KIF26B: variants seen among roughly 807,000 people sequenced by gnomAD.
KIF26B encodes the protein kinesin family member 26B, also known as kinesin-like protein KIF26B.
KIF26B carries 63 observed loss-of-function variants against 151.2 expected under a neutral mutation model. The observed-to-expected ratio is 0.42, with a 90% CI of 0.34 to 0.51. The LOEUF (loss-of-function observed/expected upper bound fraction) is 0.51, where lower values mean the gene tolerates loss of function less well. Among genes scored for constraint, KIF26B ranks in the 20% least tolerant of loss-of-function variants. The pLI is 0.07. For missense variants in KIF26B, 2,813 were observed against 2,913.6 expected (o/e 0.97, Z 0.79); for synonymous variants, 1,357 against 1,262.1 (o/e 1.08, Z -1.59).
At chr1:245,671,111 T>C (rs2044281052) in intron 10 of KIF26B, among the ~76,000 whole-genome samples, 1 of 152,236 alleles carries the variant, frequency 6.6e-6, no homozygotes, top group Non-Finnish European at 1.5e-5. Context: ...TTTGTCTTTC[T>C]GTTCCTGGCT....
At chr1:245,322,527 G>C (rs925642112) in intron 2 of KIF26B, among the ~76,000 whole-genome samples, 2 of 152,034 alleles carry the variant, frequency 1.3e-5, no homozygotes, top group Admixed American at 6.6e-5. Context: ...TTGAAGAAAC[G>C]AATACTAACA....
chr1:245,326,486 A>T (rs554954255), intron 2 of KIF26B, among the ~76,000 whole-genome samples: 1 of 152,304 alleles, frequency 6.6e-6, no homozygotes, highest in South Asian at 2.1e-4. Flanking sequence ...AACGGCTGCC[A>T]AGTTTACCCC....
chr1:245,674,881 T>A lies in KIF26B; in HGVS notation c.2259-9352T>A, dbSNP rs1029226097. Among the ~76,000 whole-genome samples, 74 of 152,112 alleles carry A rather than the reference T, an allele frequency of 4.9e-4. 2 individuals are homozygous for A. Among genetic ancestry groups the A allele is most frequent in the Admixed American group, 4.8e-3 (74 of 15,262 alleles). ...CCAGTCTGCCAAGTCGGCCCAAGACTACTGACACCTACTGCAAGCAATTAG... is the reference window on the plus strand; with the variant it reads ...CCAGTCTGCCAAGTCGGCCCAAGACAACTGACACCTACTGCAAGCAATTAG... On this transcript the variant is annotated intron_variant, in intron 10 of 14. Transcript: ENST00000407071.
At chr1:245,523,251 T>C (rs561761017) in intron 4 of KIF26B, among the ~76,000 whole-genome samples, 1 of 152,230 alleles carries the variant, frequency 6.6e-6, no homozygotes, top group Non-Finnish European at 1.5e-5. Context: ...TATTACTAAA[T>C]AAATGCTTGC....
Position 245,703,838 on chromosome 1 carries a change from A to G in KIF26B, c.*1232A>G, listed in dbSNP as rs187647827. The G allele has an allele frequency of 2.8e-4, 43 of 152,280 alleles. No individual in the cohort carries two copies. Among genetic ancestry groups the G allele is most frequent in the African/African-American group, 7.7e-4 (32 of 41,554 alleles). 9.4% of individuals were successfully genotyped at this position (152,280 alleles called of 1,614,324 possible). A position where few individuals can be genotyped will look rare whatever the true frequency, so the allele number is the denominator to read the frequency against. ...AGGATTTCAGCTCTCCTGTGTCCCA[A>G]AGCCTCTATGCCAAGAAGGGACAGG... On this transcript the variant is annotated 3_prime_UTR_variant, in exon 15 of 15. Transcript: ENST00000407071.
At chr1:245,655,002 CCT>C (rs2044058184) in intron 10 of KIF26B, among the ~76,000 whole-genome samples, 1 of 152,200 alleles carries the variant, frequency 6.6e-6, no homozygotes, top group African/African-American at 2.4e-5. Flanking sequence ...AGGTGATCAG[CCT>C]CTCAGCTGGA....
In KIF26B at chr1:245,402,826, C is replaced by CT. The variant is rs546969858; in HGVS notation, c.1000-16752dup. Among the ~76,000 whole-genome samples the CT allele has an allele frequency of 2.0e-3, 308 of 152,248 alleles. 2 individuals are homozygous for CT. The highest frequency in any genetic ancestry group is 7.2e-3 in the African/African-American group (300 of 41,552). ...GAAATTACAACTTAGTGATTAGGGG[C>CT]TATAGTGGTTTAGATTCTAGACTTT... is the stretch of plus-strand genomic sequence containing the variant. On this transcript the variant is annotated intron_variant, in intron 3 of 14. Transcript: ENST00000407071.
intron 9 of KIF26B, among the ~76,000 whole-genome samples, chr1:245,622,120 G>A (rs2043670701): frequency 6.6e-6 from 1 of 152,158 alleles, no homozygotes; most frequent in Non-Finnish European, 1.5e-5. Flanking sequence ...ATGATATTTT[G>A]CTTTAAAAAT....
intron 2 of KIF26B, among the ~76,000 whole-genome samples, chr1:245,248,661 ACCT>A: frequency 6.6e-6 from 1 of 152,148 alleles, no homozygotes; most frequent in Non-Finnish European, 1.5e-5. Context: ...TTATGGTTAA[ACCT>A]CCTCGTAAAA....
At chr1:245,633,673 T>G (rs1451577645) in intron 9 of KIF26B, among the ~76,000 whole-genome samples, 1 of 152,252 alleles carries the variant, frequency 6.6e-6, no homozygotes, top group Non-Finnish European at 1.5e-5. Context: ...GGAAAGACTT[T>G]ACTTTTCATT....
rs549315600 is a variant in KIF26B, at chr1:245,432,350, A to G, written c.1166+12605A>G. Among the ~76,000 whole-genome samples, 309 of 152,304 alleles carry G rather than the reference A, an allele frequency of 2.0e-3. 1 individual carries two copies. The highest frequency in any genetic ancestry group is 3.4e-3 in the Middle Eastern group (1 of 294). ...ATTGTAACAAAGCATGAAAAAAAGC[A>G]GTGTTGGGAAATTGAGATTCTTATT... On this transcript the variant is annotated intron_variant, in intron 4 of 14. Transcript: ENST00000407071.
intron 2 of KIF26B, among the ~76,000 whole-genome samples, chr1:245,313,986 C>T (rs76211190): frequency 3.1e-3 from 465 of 152,284 alleles, no homozygotes; most frequent in Middle Eastern, 0.017. Flanking sequence ...TCTCTTCCCC[C>T]TCTCGCTCTC....
At position 245,694,170 on chromosome 1, in the gene KIF26B, C is replaced by T. The variant is rs780384906; in HGVS notation, c.5825-3936C>T. 1.4e-4 allele frequency among the ~76,000 whole-genome samples: 22 copies of T among 152,346 alleles called. 1 individual carries two copies. Among genetic ancestry groups the T allele is most frequent in the Admixed American group, 5.2e-4 (8 of 15,300 alleles). ...ACCTGCCTCTTTCTCATCCCCAGCA[C>T]GGGAGCACTTGCCTTTTCAGCTAAA... On this transcript the variant is annotated intron_variant, in intron 12 of 14. Coordinates refer to ENST00000407071, the MANE Select transcript of KIF26B (RefSeq NM_018012.4).
intron 9 of KIF26B, among the ~76,000 whole-genome samples, chr1:245,636,225 A>G (rs564048016): frequency 9.9e-5 from 15 of 152,240 alleles, no homozygotes; most frequent in African/African-American, 3.4e-4. Context: ...TGCCAACTAT[A>G]ATTAAAGACT....
At chr1:245,165,466 G>A (rs760182174) in intron 2 of KIF26B, among the ~76,000 whole-genome samples, 10 of 152,288 alleles carry the variant, frequency 6.6e-5, no homozygotes, top group Non-Finnish European at 1.3e-4. Context: ...AGGTGGAATG[G>A]TCCAATGGGC....
intron 2 of KIF26B, among the ~76,000 whole-genome samples, chr1:245,340,425 C>T (rs1328390155): frequency 6.6e-6 from 1 of 151,286 alleles, no homozygotes; most frequent in African/African-American, 2.4e-5. Context: ...TACTTTTAAT[C>T]CATGGTTGTT....
At chr1:245,634,468 G>A (rs1195861339) in intron 9 of KIF26B, among the ~76,000 whole-genome samples, 3 of 152,170 alleles carry the variant, frequency 2.0e-5, no homozygotes, top group Non-Finnish European at 2.9e-5. Flanking sequence ...TTAGTTTTTA[G>A]TAGATACCTT....
rs146725645 is a variant in KIF26B, at chr1:245,651,011, C to T, written c.2258+4731C>T. Among the ~76,000 whole-genome samples the T allele has an allele frequency of 3.0e-3, 454 of 152,310 alleles. 1 individual carries two copies. The highest frequency in any genetic ancestry group is 0.01 in the African/African-American group (433 of 41,558). ...AGCAGCTGTGCTGAGCTCGCCTCCT[C>T]CTCTCTCTGGTAGAGCCTGAGGCAA... On this transcript the variant is annotated intron_variant, in intron 10 of 14. Coordinates refer to ENST00000407071, the MANE Select transcript of KIF26B (RefSeq NM_018012.4).
chr1:245,308,123 T>A (rs1424415649), intron 2 of KIF26B, among the ~76,000 whole-genome samples: 1 of 152,116 alleles, frequency 6.6e-6, no homozygotes, highest in Non-Finnish European at 1.5e-5. Context: ...TAAATGGGAA[T>A]TTTTCCCAGA....
Sources: gnomAD v4.1 joint callset for allele counts (sites outside exome capture counted in the v4.1 genomes callset) on GRCh38, gnomAD v4.1.1 for gene constraint, MANE v1.5 for transcripts, NCBI Gene and HGNC (gene_info 2026-07-23, HGNC 2026-07-21) for gene names.